The following ACADM variants were observed in gnomAD, a reference collection of about 807,000 sequenced individuals.
ACADM encodes the protein medium-chain specific acyl-CoA dehydrogenase, mitochondrial.
In ACADM, 49 loss-of-function variants were observed where a neutral mutation model predicts 58.9. The ratio of observed to expected loss-of-function variants is 0.83; its 90% CI spans 0.66 to 1.06. The LOEUF is 1.06. ACADM is among the 50% of genes least tolerant of loss of function. ACADM has a pLI of 0.00. For missense variants in ACADM, 496 were observed against 507.0 expected (o/e 0.98, Z 0.21); for synonymous variants, 160 against 157.7 (o/e 1.01, Z -0.11).
At chr1:75,741,811 C>T (rs536376243) in intron 7 of ACADM, among the ~76,000 whole-genome samples, 2 of 152,152 alleles carry the variant, frequency 1.3e-5, no homozygotes, top group East Asian at 1.9e-4. Flanking sequence ...AAGAATTTTT[C>T]GTGTACCAGG....
Position 75,727,119 on chromosome 1 carries a change from A to AG in ACADM, c.31-1282_31-1281insG, listed in dbSNP as rs1357528886. ...CACCTGGCACTGTTTCACTTTCAAA[A>AG]TAAAATTAATGAAGATGCAAAGAAA... is the stretch of plus-strand genomic sequence containing the variant. On this transcript the variant is annotated intron_variant, in intron 1 of 11. Coordinates refer to ENST00000370841, the MANE Select transcript of ACADM (RefSeq NM_000016.6). Among the ~76,000 whole-genome samples the AG allele has an allele frequency of 3.3e-5, 5 of 152,134 alleles. No individual in the cohort carries two copies. In the East Asian group the frequency reaches 7.7e-4, roughly 23 times the overall value.
At chr1:75,742,908 A>G (rs1408168276) in intron 7 of ACADM, among the ~76,000 whole-genome samples, 1 of 133,584 alleles carries the variant, frequency 7.5e-6, no homozygotes, top group African/African-American at 2.6e-5. Context: ...CCATTGAAGA[A>G]GGAAAGCAGC....
intron 2 of ACADM, 31 bp from the exon 3 acceptor site, chr1:75,732,613 G>C: frequency 6.5e-7 from 1 of 1,542,972 alleles, no homozygotes; most frequent in Non-Finnish European, 9.0e-7. Flanking sequence ...TTGTTATCCA[G>C]TTTTAACTTT....
chr1:75,724,858 G>T (rs1647022483), intron 1 of ACADM, 41 bp downstream of exon 1: 1 of 1,410,776 alleles, frequency 7.1e-7, no homozygotes, highest in Non-Finnish European at 9.3e-7. Context: ...TGGAACATGG[G>T]TATTGTGGTG....
chr1:75,727,809 A>C (rs1250877), intron 1 of ACADM, among the ~76,000 whole-genome samples: 140,994 of 152,128 alleles, frequency 0.93, 65,561 homozygotes, highest in African/African-American at 0.97. Context: ...ATGTGGCTGC[A>C]CTGGTTTGGT....
chr1:75,730,624 C>T (rs564207763), intron 2 of ACADM, among the ~76,000 whole-genome samples: 4 of 151,260 alleles, frequency 2.6e-5, no homozygotes, highest in African/African-American at 4.9e-5. Flanking sequence ...TCCATGGATT[C>T]TCTCGCCTCA....
At chr1:75,735,373 A>C (rs890157345) in intron 6 of ACADM, among the ~76,000 whole-genome samples, 2 of 150,610 alleles carry the variant, frequency 1.3e-5, no homozygotes, top group Non-Finnish European at 3.0e-5. Context: ...TATTTCCAGG[A>C]GAAGAGAGAT....
intron 5 of ACADM, among the ~76,000 whole-genome samples, chr1:75,733,998 A>G (rs1015157201): frequency 6.6e-6 from 1 of 152,030 alleles, no homozygotes; most frequent in South Asian, 2.1e-4. Context: ...AAATTTAGCA[A>G]GCAATTCTTT....
chr1:75,740,225 A>G, intron 7 of ACADM, 115 bp downstream of exon 7: 1 of 1,032,312 alleles, frequency 9.7e-7, no homozygotes, highest in Non-Finnish European at 1.5e-6. Context: ...GTGGAACTGG[A>G]AGGCCTAAAG....
At chr1:75,754,217 T>G (rs1443827526) in intron 10 of ACADM, among the ~76,000 whole-genome samples, 1 of 150,200 alleles carries the variant, frequency 6.7e-6, no homozygotes, top group Non-Finnish European at 1.5e-5. Context: ...TTGTTTTTTT[T>G]TTTTTTTTGA....
chr1:75,724,741 G>C lies in ACADM; in HGVS notation c.-47G>C, dbSNP rs373731510. 5.8e-6 allele frequency: 9 copies of C among 1,543,350 alleles called. No homozygotes were observed. Among genetic ancestry groups the C allele is most frequent in the East Asian group, 2.6e-5 (1 of 38,502 alleles). ...TCCCGCGTTCGGGGAGTATGTCAAG[G>C]CCGTGACCCGTGTATTATTGTCCGA... On this transcript the variant is annotated 5_prime_UTR_variant, in exon 1 of 12. Transcript: ENST00000370841.
In ACADM at chr1:75,729,232, GT is replaced by G. The variant is rs60120515; in HGVS notation, c.118+755del. Among the ~76,000 whole-genome samples the G allele has an allele frequency of 2.3e-3, 304 of 134,406 alleles. 2 individuals are homozygous for G. Among genetic ancestry groups the G allele is most frequent in the Admixed American group, 3.9e-3 (52 of 13,238 alleles). 88.2% of individuals were successfully genotyped at this position (134,406 alleles called of 152,430 possible). On this transcript the variant is annotated intron_variant, in intron 2 of 11. Transcript: ENST00000370841. ...AGATTTTTCCCTTTTCTTTATAAAGGTTTTTTTTTTTCTTACCAGAATTTAA... is the reference window on the plus strand; with the variant it reads ...AGATTTTTCCCTTTTCTTTATAAAGGTTTTTTTTTTCTTACCAGAATTTAA...
intron 2 of ACADM, among the ~76,000 whole-genome samples, 184 bp downstream of exon 2, chr1:75,728,672 A>G (rs1319611636): frequency 2.0e-5 from 3 of 152,230 alleles, no homozygotes; most frequent in Admixed American, 1.3e-4. Flanking sequence ...CTTCCTCAGT[A>G]TACTACACTG....
At chr1:75,740,480 TG>T (rs1351925894) in intron 7 of ACADM, among the ~76,000 whole-genome samples, 1 of 152,190 alleles carries the variant, frequency 6.6e-6, no homozygotes, top group Admixed American at 6.5e-5. Flanking sequence ...GTATAGTGCC[TG>T]TCTCCAGATG....
At chr1:75,749,159 A>G (rs1360690173) in intron 8 of ACADM, among the ~76,000 whole-genome samples, 1 of 152,200 alleles carries the variant, frequency 6.6e-6, no homozygotes, top group Non-Finnish European at 1.5e-5. Context: ...CAAATTATAA[A>G]TATTTCAGGC....
At chr1:75,734,195 A>T (rs377723293) in intron 5 of ACADM, among the ~76,000 whole-genome samples, 2 of 123,016 alleles carry the variant, frequency 1.6e-5, no homozygotes, top group African/African-American at 6.6e-5. Flanking sequence ...ACGGAGTCTC[A>T]CTCTGTTGCC....
chr1:75,728,529 T>A (rs747096320), intron 2 of ACADM, 41 bp downstream of exon 2: 1 of 1,333,322 alleles, frequency 7.5e-7, no homozygotes, highest in African/African-American at 2.1e-5. Context: ...AACTTATACA[T>A]ATGAAGCTTT....
At chr1:75,738,408 G>T (rs776163835) in intron 6 of ACADM, among the ~76,000 whole-genome samples, 3 of 151,852 alleles carry the variant, frequency 2.0e-5, no homozygotes, top group Non-Finnish European at 4.4e-5. Flanking sequence ...TTTTAGTAGA[G>T]ACAGGGTTTC....
chr1:75,760,206 C>T (rs889041743), intron 10 of ACADM, among the ~76,000 whole-genome samples: 2 of 135,978 alleles, frequency 1.5e-5, no homozygotes, highest in South Asian at 2.4e-4. Flanking sequence ...GGATCACCTG[C>T]GATCAGGAGT....
Sources: allele counts gnomAD v4.1 joint callset (sites outside exome capture counted in the v4.1 genomes callset), GRCh38; gene constraint gnomAD v4.1.1; transcripts MANE v1.5; gene names NCBI Gene and HGNC (gene_info 2026-07-23, HGNC 2026-07-21).